SMG5: variants seen among roughly 807,000 people sequenced by gnomAD.
The protein encoded by SMG5 is SMG5 nonsense mediated mRNA decay factor, also known as nonsense-mediated mRNA decay factor SMG5.
SMG5 carries 53 observed loss-of-function variants against 122.9 expected under a neutral mutation model. The ratio of observed to expected loss-of-function variants is 0.43; its 90% CI spans 0.35 to 0.54. The LOEUF is 0.54. Ranked by LOEUF, SMG5 falls within the 20% of genes least tolerant of loss-of-function variation. The pLI is 0.01. For missense variants in SMG5, 1,153 were observed against 1,285.6 expected (o/e 0.90, Z 1.58); for synonymous variants, 477 against 490.2 (o/e 0.97, Z 0.35).
At chr1:156,285,832 C>T, upstream of SMG5, 6 of 1,613,664 alleles carry the variant, frequency 3.7e-6, no homozygotes, top group South Asian at 3.3e-5. Context: ...GGGCTGTGGC[C>T]TCCGTGGGAG....
chr1:156,281,071 T>G (rs1160830334), intron 1 of SMG5, among the ~76,000 whole-genome samples: 2 of 152,202 alleles, frequency 1.3e-5, no homozygotes, highest in Non-Finnish European at 2.9e-5. Context: ...ACAACACATT[T>G]ATCTTGAGCA....
chr1:156,269,818 C>T (rs888631458), intron 7 of SMG5, among the ~76,000 whole-genome samples: 4 of 151,968 alleles, frequency 2.6e-5, no homozygotes, highest in East Asian at 3.9e-4. Context: ...GAGCTTGCAG[C>T]GAGCTGAGAT....
chr1:156,278,609 C>T (rs1662795566), intron 2 of SMG5, among the ~76,000 whole-genome samples: 2 of 152,068 alleles, frequency 1.3e-5, no homozygotes, highest in Admixed American at 1.3e-4. Context: ...TCAAGTGTTC[C>T]TCCTGCCTTG....
Position 156,274,669 on chromosome 1 carries a change from A to T in SMG5, c.472T>A (p.Ser158Thr), listed in dbSNP as rs1160206189. Residue 158 changes from serine (S) to threonine (T), a missense_variant, in exon 5 of 22, where the codon TCT becomes ACT. Coordinates refer to ENST00000361813, the MANE Select transcript of SMG5 (RefSeq NM_015327.3). The stretch of plus-strand genomic sequence containing the variant: ...CAATCCATCTCCTTCCCTGAGGCAG[A>T]CACTGGCTTCTTGCATCCTATGAGA... ...DPLIGCKKPV[S>T]ASGKEMDWAQ... 2 of 1,613,948 alleles carry T rather than the reference A, an allele frequency of 1.2e-6. No individual in the cohort carries two copies. Among genetic ancestry groups the T allele is most frequent in the South Asian group, 1.1e-5 (1 of 91,080 alleles).
At chr1:156,290,094 A>G in the SMG5 span, 5 of 152,242 alleles carry the variant, frequency 3.3e-5, no homozygotes, top group Admixed American at 6.5e-5. Context: ...GCAGCTATAA[A>G]AGAATGAGAA....
In SMG5 at chr1:156,250,357, T is replaced by C. The variant is rs915182047; in HGVS notation, c.*230A>G. ...AAGGCTGGCCAGGGGCCCACAAGAC[T>C]CTCCTAATCCAAGCACTTTCCTCGC... On this transcript the variant is annotated 3_prime_UTR_variant, in exon 22 of 22. Transcript: ENST00000361813. 3.8e-6 allele frequency: 2 copies of C among 532,274 alleles called. No homozygotes were observed. The highest frequency in any genetic ancestry group is 1.9e-5 in the African/African-American group (1 of 52,468). 33.0% of individuals were successfully genotyped at this position (532,274 alleles called of 1,614,324 possible).
At chr1:156,263,346 C>G in intron 13 of SMG5, 49 bp downstream of exon 13, 1 of 1,564,744 alleles carries the variant, frequency 6.4e-7, no homozygotes, top group Non-Finnish European at 8.7e-7. Flanking sequence ...CTCATCCCCT[C>G]CTCCAAGACC....
chr1:156,266,478 T>C, intron 11 of SMG5, 63 bp downstream of exon 11: 1 of 1,610,502 alleles, frequency 6.2e-7, no homozygotes, highest in Non-Finnish European at 8.5e-7. Context: ...TCTGTGTTCC[T>C]TTCCTTCATC....
intron 3 of SMG5, 145 bp downstream of exon 3, chr1:156,277,780 G>A: frequency 9.7e-7 from 1 of 1,030,252 alleles, no homozygotes; most frequent in Non-Finnish European, 1.4e-6. Flanking sequence ...CCAAAGTGCT[G>A]GGATTACACG....
chr1:156,285,999 G>A (rs756887670), upstream of SMG5: 3 of 1,586,870 alleles, frequency 1.9e-6, no homozygotes, highest in African/African-American at 2.7e-5. Flanking sequence ...CCTGTGAGAA[G>A]AAAGGGGGCA....
At chr1:156,281,091 G>C (rs1258757330) in intron 1 of SMG5, among the ~76,000 whole-genome samples, 1 of 152,134 alleles carries the variant, frequency 6.6e-6, no homozygotes, top group Admixed American at 6.6e-5. Flanking sequence ...AGAGAAATCA[G>C]ACTTTCCTCC....
intron 14 of SMG5, among the ~76,000 whole-genome samples, chr1:156,260,941 C>A (rs778176794): frequency 6.6e-6 from 1 of 152,200 alleles, no homozygotes; most frequent in Non-Finnish European, 1.5e-5. Flanking sequence ...CAAGTCTTAG[C>A]AGGTAGGAGC....
intron 1 of SMG5, among the ~76,000 whole-genome samples, chr1:156,279,244 G>C (rs1211651490): frequency 7.1e-6 from 1 of 141,022 alleles, no homozygotes; most frequent in Non-Finnish European, 1.5e-5. Context: ...GCCCACCAGG[G>C]GACATTTGGC....
Position 156,260,514 on chromosome 1 carries a change from G to C in SMG5, c.2220C>G (p.Leu740=). 1.9e-6 allele frequency: 3 copies of C among 1,589,502 alleles called. No individual in the cohort carries two copies. The South Asian group carries it at 3.4e-5, about 18-fold the overall frequency. Residue 740 remains leucine, a synonymous_variant, in exon 15 of 22, where the codon CTC becomes CTG. Coordinates refer to ENST00000361813, the MANE Select transcript of SMG5 (RefSeq NM_015327.3). ...EDMALRNLPP[L]RAAHRRFNFD... is the part of the protein sequence containing the mutation. Reference sequence around the variant, plus strand: ...AGTTAAAGCGTCTGTGGGCAGCTCGGAGCGGGGGCAGGTTACGAAGAGCCA... The same window carrying C: ...AGTTAAAGCGTCTGTGGGCAGCTCGCAGCGGGGGCAGGTTACGAAGAGCCA...
At chr1:156,286,097 T>C, upstream of SMG5, 2 of 1,463,604 alleles carry the variant, frequency 1.4e-6, no homozygotes, top group Non-Finnish European at 1.9e-6. Context: ...CCTCAGGGTC[T>C]CCCACCCCCT....
intron 5 of SMG5, 47 bp from the exon 6 acceptor site, chr1:156,273,497 A>G (rs768675586): frequency 7.3e-5 from 114 of 1,563,216 alleles, no homozygotes; most frequent in Non-Finnish European, 9.8e-5. Flanking sequence ...TTTAAGTTTC[A>G]GAAAACCCTC....
rs1208843091 is a variant in SMG5 at position 156,252,501 on chromosome 1, A to G, written c.2666T>C (p.Ile889Thr). ...CTTCTTCAGCAAATCCAGGCCATCG[A>G]TCACTGGTGGGCAAGGTAGGGAAAG... ...RFIVIIPRTVIDGLDLLKKEH... is the reference protein window; with the variant it reads ...RFIVIIPRTVTDGLDLLKKEH... The change falls in exon 19 of 22, where the codon ATC (isoleucine) becomes ACC (threonine). Residue 889 changes from isoleucine (I) to threonine (T), a missense_variant. By Grantham distance (89) the Ile-to-Thr change is moderately conservative. This residue lies in a region of SMG5 where 140 missense variants were observed against 227.8 expected (regional missense o/e 0.61). Transcript: ENST00000361813. 2.5e-6 allele frequency: 4 copies of G among 1,613,954 alleles called. No homozygotes were observed. Among genetic ancestry groups the G allele is most frequent in the Non-Finnish European group, 3.4e-6 (4 of 1,179,962 alleles).
Position 156,265,858 on chromosome 1 carries a change from T to A in SMG5, c.1778A>T (p.Gln593Leu). 1 of 1,614,148 alleles carries A rather than the reference T, an allele frequency of 6.2e-7. No individual in the cohort carries two copies. Among genetic ancestry groups the A allele is most frequent in the Non-Finnish European group, 8.5e-7 (1 of 1,180,014 alleles). The change falls in exon 12 of 22, where the codon CAG (glutamine) becomes CTG (leucine). Residue 593 changes from glutamine (Q) to leucine (L), a missense_variant. This residue lies in a region of SMG5 where 631 missense variants were observed against 650.6 expected (regional missense o/e 0.97). Coordinates refer to ENST00000361813, the MANE Select transcript of SMG5 (RefSeq NM_015327.3). ...CGAGGTATGAGGGTTGGTGGTGGGC[T>A]GGAGGAGCAGGTTGCTAAAGGTGGG... The part of the protein sequence containing the change: ...LAPTFSNLLL[Q>L]PTTNPHTSAS...
chr1:156,283,005 G>T, upstream of SMG5: 1 of 507,866 alleles, frequency 2.0e-6, no homozygotes, highest in East Asian at 3.2e-5. Flanking sequence ...TATTGGCAAA[G>T]CTATCAGAGA....
Sources: gnomAD v4.1 joint callset for allele counts (sites outside exome capture counted in the v4.1 genomes callset) on GRCh38, gnomAD v4.1.1 for gene constraint, gnomAD v4.1.1 regional missense constraint, MANE v1.5 for transcripts, NCBI Gene and HGNC (gene_info 2026-07-23, HGNC 2026-07-21) for gene names.